Variants in KRT78 observed in about 807,000 individuals in gnomAD.
KRT78 encodes keratin, type II cytoskeletal 78.
KRT78 carries 55 observed loss-of-function variants against 51.4 expected under a neutral mutation model. The ratio of observed to expected loss-of-function variants is 1.07; its 90% CI spans 0.86 to 1.34. KRT78 has a LOEUF of 1.34. KRT78 is among the 40% of genes most tolerant of loss of function. KRT78 has a pLI of 0.00. For missense variants in KRT78, 652 were observed against 649.4 expected (o/e 1.00, Z -0.04); for synonymous variants, 291 against 264.3 (o/e 1.10, Z -0.98).
Position 52,847,964 on chromosome 12 carries a change from C to T in KRT78, c.542G>A (p.Gly181Glu), listed in dbSNP as rs892261443. The change falls in exon 2 of 9, where the codon GGG (glycine) becomes GAG (glutamate). Residue 181 changes from glycine (G) to glutamate (E), a missense_variant. Physicochemically the swap from Gly to Glu is moderately conservative, Grantham distance 98 (BLOSUM62 -2). Coordinates refer to ENST00000304620, the MANE Select transcript of KRT78 (RefSeq NM_173352.4). ...GGCCTTCAACTCAGCATCCAGAGCC[C>T]CTCGTTCTCCCTGGAGCTGCTCCAG... ...KQLEQLQGER[G>E]ALDAELKACR... 4 of 1,614,194 alleles carry T rather than the reference C, an allele frequency of 2.5e-6. No homozygotes were observed. The highest frequency in any genetic ancestry group is 8.5e-7 in the Non-Finnish European group (1 of 1,180,036).
chr12:52,844,414 G>A, intron 5 of KRT78, 145 bp downstream of exon 5: 1 of 1,185,234 alleles, frequency 8.4e-7, no homozygotes, highest in South Asian at 1.5e-5. Context: ...CTCCTGGAGG[G>A]GAAATGGCCC....
chr12:52,848,856 G>A lies in KRT78; in HGVS notation c.75C>T (p.Arg25=), dbSNP rs144892551. 8.9e-4 allele frequency: 1,433 copies of A among 1,612,692 alleles called. 2 individuals are homozygous for A. The highest frequency in any genetic ancestry group is 1.8e-3 in the Admixed American group (105 of 59,846). ...RSACSARSRG[R]SRGGFSSRGG... is the part of the protein sequence containing the mutation. ...CCCTGCTGCTGAAGCCTCCCCTGCT[G>A]CGGCCCCTTGAGCGAGCAGAACAGG... Residue 25 remains arginine (R), a synonymous_variant, in exon 1 of 9, where the codon CGC becomes CGT. Coordinates refer to ENST00000304620, the MANE Select transcript of KRT78 (RefSeq NM_173352.4).
In KRT78 at chr12:52,839,136, G is replaced by T. The variant is rs763609631; in HGVS notation, c.1540C>A (p.Leu514Met). The T allele has an allele frequency of 6.2e-7, 1 of 1,613,358 alleles. No homozygotes were observed. Among genetic ancestry groups the T allele is most frequent in the South Asian group, 1.1e-5 (1 of 90,818 alleles). The change falls in exon 9 of 9, where the codon CTG becomes ATG. Residue 514 changes from leucine to methionine, a missense_variant. Coordinates refer to ENST00000304620, the MANE Select transcript of KRT78 (RefSeq NM_173352.4). ...GCTCAGTAGGTGATGGATGTCTTCA[G>T]ACTCGACTCAACTGTCTTCTTCAGG... ...TILKKTVESS[L>M]KTSITY
chr12:52,840,078 G>A lies in KRT78; in HGVS notation c.1048-94C>T, dbSNP rs1024480316. On this transcript the variant is annotated intron_variant, in intron 6 of 8. Transcript: ENST00000304620. ...GTGGATATCACTTGAAGGCTGGGGC[G>A]GATCATAATCTTATGAGCTCAAAAT... 33 of 863,128 alleles carry A rather than the reference G, an allele frequency of 3.8e-5. No homozygotes were observed. The Middle Eastern group carries it at 1.3e-3, about 35-fold the overall frequency. 53.5% of individuals were successfully genotyped at this position (863,128 alleles called of 1,614,324 possible).
intron 6 of KRT78, among the ~76,000 whole-genome samples, chr12:52,841,924 C>A (rs1324955352): frequency 6.6e-6 from 1 of 152,212 alleles, no homozygotes; most frequent in Non-Finnish European, 1.5e-5. Flanking sequence ...CCACATGCTT[C>A]AGAACCAGCT....
chr12:52,847,136 G>T (rs747933968), intron 2 of KRT78, among the ~76,000 whole-genome samples: 6 of 152,170 alleles, frequency 3.9e-5, no homozygotes, highest in Non-Finnish European at 7.4e-5. Flanking sequence ...GAGATTAGAT[G>T]ATTTGACCAA....
At chr12:52,843,611 A>T (rs1002555292) in intron 6 of KRT78, among the ~76,000 whole-genome samples, 10 of 147,454 alleles carry the variant, frequency 6.8e-5, no homozygotes, top group Admixed American at 2.7e-4. Context: ...AATCCCTTGA[A>T]CCCGGAGGCA....
rs142293888 is a variant in KRT78 at position 52,837,875 on chromosome 12, A to T, written c.*1238T>A. The T allele has an allele frequency of 1.3e-4, 20 of 152,352 alleles. No homozygotes were observed. Among genetic ancestry groups the T allele is most frequent in the African/African-American group, 4.8e-4 (20 of 41,580 alleles). The allele number at this position is 152,352 out of a possible 1,614,324, so 9.4% of individuals were successfully genotyped here. On this transcript the variant is annotated 3_prime_UTR_variant, in exon 9 of 9. Coordinates refer to ENST00000304620, the MANE Select transcript of KRT78 (RefSeq NM_173352.4). The stretch of plus-strand genomic sequence containing the variant: ...AGTTTCCTTCTGGGATCCTAGTGGC[A>T]CTGTCGCCACACAGCCCTGTGAGGT...
At chr12:52,846,530 T>G (rs1940646551) in intron 3 of KRT78, among the ~76,000 whole-genome samples, 1 of 152,038 alleles carries the variant, frequency 6.6e-6, no homozygotes. Context: ...TTCCTCTCCC[T>G]CCCCGCCCTC....
chr12:52,842,746 T>C (rs1165387534), intron 6 of KRT78, among the ~76,000 whole-genome samples: 2 of 148,580 alleles, frequency 1.3e-5, no homozygotes, highest in South Asian at 2.2e-4. Flanking sequence ...GGTGAAACCC[T>C]GTCTCTACTA....
intron 6 of KRT78, among the ~76,000 whole-genome samples, chr12:52,842,532 C>T (rs2120399142): frequency 6.6e-6 from 1 of 152,242 alleles, no homozygotes; most frequent in Middle Eastern, 3.4e-3. Context: ...GGCCCTGGCT[C>T]CCAACTTCCC....
Position 52,846,220 on chromosome 12 carries a change from A to G in KRT78, c.733T>C (p.Phe245Leu). 1 of 1,613,744 alleles carries G rather than the reference A, an allele frequency of 6.2e-7. No individual in the cohort carries two copies. The highest frequency in any genetic ancestry group is 8.5e-7 in the Non-Finnish European group (1 of 1,179,730). ...KLEALREYLY[F>L]LKHLNEEELG... ...ACTTCTTCATTCAGATGCTTCAAGA[A>G]GTAGAGGTACTCTCTCAGAGCCTCC... The change falls in exon 4 of 9, where the codon TTC becomes CTC. Residue 245 changes from phenylalanine (F) to leucine (L), a missense_variant. Coordinates refer to ENST00000304620, the MANE Select transcript of KRT78 (RefSeq NM_173352.4).
intron 6 of KRT78, among the ~76,000 whole-genome samples, chr12:52,842,632 T>C (rs1242203367): frequency 2.0e-5 from 3 of 151,990 alleles, no homozygotes; most frequent in South Asian, 2.1e-4. Context: ...AGAAAAGAGA[T>C]GTGGGCTGAG....
In KRT78 at chr12:52,839,442, C is replaced by G; in HGVS notation, c.1303+11G>C. 6.2e-7 allele frequency: 1 copy of G among 1,609,792 alleles called. No homozygotes were observed. Among genetic ancestry groups the G allele is most frequent in the Non-Finnish European group, 8.5e-7 (1 of 1,178,146 alleles). ...ATGGGGATCCCATCCCTAAAGTCCC[C>G]TGATACTCACAGATAGTGACCTGGC... On this transcript the variant is annotated intron_variant, in intron 8 of 8. Coordinates refer to ENST00000304620, the MANE Select transcript of KRT78 (RefSeq NM_173352.4).
intron 2 of KRT78, 68 bp from the exon 3 acceptor site, chr12:52,846,892 G>A: frequency 8.3e-7 from 1 of 1,202,038 alleles, no homozygotes. Context: ...CCATGTCCGA[G>A]CATGACCTCC....
chr12:52,839,253 C>T lies in KRT78; in HGVS notation c.1423G>A (p.Gly475Ser). ...CCAGAGCCCAGAATGATGTTGGAGC[C>T]TCCAGTCACAATGCTGGTGCAGCAG... ...GSCCTSIVTG[G>S]SNIILGSGKD... Residue 475 changes from glycine (G) to serine (S), a missense_variant, in exon 9 of 9, where the codon GGC becomes AGC. Gly to Ser is a moderately conservative substitution (Grantham distance 56, BLOSUM62 0). Transcript: ENST00000304620. The T allele has an allele frequency of 6.2e-7, 1 of 1,612,152 alleles. No individual in the cohort carries two copies. Among genetic ancestry groups the T allele is most frequent in the Non-Finnish European group, 8.5e-7 (1 of 1,179,242 alleles).
intron 6 of KRT78, among the ~76,000 whole-genome samples, chr12:52,840,210 TA>T (rs1940460167): frequency 6.6e-6 from 1 of 151,920 alleles, no homozygotes; most frequent in East Asian, 1.9e-4. Context: ...GGTTGAAGAG[TA>T]TCCCCCAAAA....
intron 3 of KRT78, 71 bp downstream of exon 3, chr12:52,846,693 C>T: frequency 7.3e-7 from 1 of 1,364,994 alleles, no homozygotes; most frequent in Middle Eastern, 1.9e-4. Context: ...CTTTTCCCTC[C>T]CAGCCTAGGA....
intron 4 of KRT78, 50 bp downstream of exon 4, chr12:52,846,147 C>A (rs1940636627): frequency 7.5e-7 from 1 of 1,339,206 alleles, no homozygotes; most frequent in South Asian, 1.2e-5. Flanking sequence ...GGAAGCCTGC[C>A]CACCCAGTCC....
Sources: gnomAD v4.1 joint callset for allele counts (sites outside exome capture counted in the v4.1 genomes callset) on GRCh38, gnomAD v4.1.1 for gene constraint, MANE v1.5 for transcripts, NCBI Gene and HGNC (gene_info 2026-07-23, HGNC 2026-07-21) for gene names.